USP28: variants seen among roughly 807,000 people sequenced by gnomAD.
The protein encoded by USP28 is ubiquitin specific peptidase 28, also known as ubiquitin carboxyl-terminal hydrolase 28.
A neutral mutation model predicts 145.0 loss-of-function variants in USP28; 113 were observed. That is an observed-to-expected ratio of 0.78 (90% confidence interval 0.67 to 0.91). USP28 has a LOEUF of 0.91. USP28 is among the 40% of genes least tolerant of loss of function. The probability of loss-of-function intolerance (pLI) is 0.00; values close to 1 mark genes in which losing one functional copy is unlikely to be tolerated. For synonymous variants in USP28, 447 were observed against 450.9 expected (o/e 0.99, Z 0.11); for missense variants, 1,201 against 1,289.6 (o/e 0.93, Z 1.05).
exon 22 of USP28, chr11:113,803,875 C>T: frequency 6.2e-7 from 1 of 1,612,982 alleles, no homozygotes; most frequent in Middle Eastern, 1.7e-4. Context: ...CTTCATGCCA[C>T]TTCTGAAAAA....
intron 1 of USP28, among the ~76,000 whole-genome samples, chr11:113,872,453 C>G (rs1361748833): frequency 6.6e-6 from 1 of 150,652 alleles, no homozygotes; most frequent in East Asian, 2.0e-4. Context: ...CGCCACTGCA[C>G]TTCAGCCTGG....
intron 3 of USP28, among the ~76,000 whole-genome samples, chr11:113,842,351 C>A (rs1295936356): frequency 6.6e-6 from 1 of 151,884 alleles, no homozygotes; most frequent in Non-Finnish European, 1.5e-5. Context: ...TTTGGGAGGC[C>A]GAGGCGGGCG....
At chr11:113,852,464 T>C in intron 3 of USP28, 37 bp downstream of exon 3, 1 of 1,610,438 alleles carries the variant, frequency 6.2e-7, no homozygotes, top group Non-Finnish European at 8.5e-7. Flanking sequence ...TTTCTGCTAG[T>C]TCAGCAAAGG....
chr11:113,875,532 C>A (rs1949302833), exon 1 of USP28: 3 of 1,145,324 alleles, frequency 2.6e-6, no homozygotes, highest in East Asian at 4.5e-5. Context: ...GGTCACCGGT[C>A]TCCCGCCGCA....
At chr11:113,853,878 CAA>C (rs57739058) in intron 2 of USP28, among the ~76,000 whole-genome samples, 1 of 123,224 alleles carries the variant, frequency 8.1e-6, no homozygotes, top group Non-Finnish European at 1.7e-5. Flanking sequence ...GACTCCATCT[CAA>C]AAAAAAAAAA....
At chr11:113,859,593 C>T (rs1015730119) in intron 1 of USP28, 5 of 151,574 alleles carry the variant, frequency 3.3e-5, no homozygotes, top group Non-Finnish European at 5.9e-5. Context: ...TCCAAATCCT[C>T]GTACTATATA....
At chr11:113,800,088 C>T in intron 24 of USP28, among the ~76,000 whole-genome samples, 1 of 151,896 alleles carries the variant, frequency 6.6e-6, no homozygotes, top group Non-Finnish European at 1.5e-5. Flanking sequence ...TCACTGCAAG[C>T]TCCGCCTCCC....
At chr11:113,831,668 ATTAACAAAG>A (rs1039921497) in intron 8 of USP28, among the ~76,000 whole-genome samples, 3 of 152,090 alleles carry the variant, frequency 2.0e-5, no homozygotes, top group African/African-American at 7.2e-5. Flanking sequence ...TGCTGAGTTT[ATTAACAAAG>A]TTAACAGTTA....
At chr11:113,868,491 G>A (rs76405689) in intron 1 of USP28, among the ~76,000 whole-genome samples, 1,893 of 152,198 alleles carry the variant, frequency 0.012, 44 homozygotes, top group African/African-American at 0.043. Context: ...TACTAAAGTC[G>A]GAGAAATGTT....
chr11:113,814,418 AG>A (rs1393869985), intron 14 of USP28, among the ~76,000 whole-genome samples: 2 of 152,204 alleles, frequency 1.3e-5, no homozygotes, highest in Admixed American at 1.3e-4. Flanking sequence ...ATGAGGTCAA[AG>A]GGCTTTTTAA....
At chr11:113,856,906 C>A (rs1228684953) in intron 1 of USP28, among the ~76,000 whole-genome samples, 1 of 152,088 alleles carries the variant, frequency 6.6e-6, no homozygotes, top group Non-Finnish European at 1.5e-5. Flanking sequence ...TTGATCTTTG[C>A]ACCCTAACAA....
chr11:113,869,531 C>T (rs1464349625), intron 1 of USP28, among the ~76,000 whole-genome samples: 1 of 152,102 alleles, frequency 6.6e-6, no homozygotes, highest in Admixed American at 6.6e-5. Flanking sequence ...GTCAAGGCTG[C>T]AGTGAGCCTT....
intron 4 of USP28, 29 bp downstream of exon 4, chr11:113,841,634 G>A (rs772832532): frequency 1.4e-6 from 2 of 1,476,220 alleles, no homozygotes; most frequent in South Asian, 2.4e-5. Flanking sequence ...CAAATGTGGG[G>A]GGCAAGAATT....
At chr11:113,838,969 T>C (rs140460646) in intron 5 of USP28, among the ~76,000 whole-genome samples, 62 of 152,304 alleles carry the variant, frequency 4.1e-4, no homozygotes, top group African/African-American at 5.3e-4. Context: ...AAGGGTTGCA[T>C]TGGGGCTATG....
intron 15 of USP28, chr11:113,813,655 T>G (rs1319605541): frequency 8.2e-6 from 4 of 485,922 alleles, no homozygotes; most frequent in African/African-American, 8.1e-5. Context: ...ATGAAAAAAT[T>G]CCATGTGGCA....
At position 113,831,835 on chromosome 11, in the gene USP28, G is replaced by GT. The variant is rs1487966979; in HGVS notation, c.833+84dup. 5 of 1,349,296 alleles carry GT rather than the reference G, an allele frequency of 3.7e-6. No homozygotes were observed. In the East Asian group the frequency reaches 1.2e-4, roughly 32 times the overall value. The allele number at this position is 1,349,296 out of a possible 1,614,324, so 83.6% of individuals were successfully genotyped here. Reference sequence around the variant, plus strand: ...TATGGTTAAAAACCAGCAATTTCTAGTTAAGGAGAGTAACTTTCCAGCATA... The same window carrying GT: ...TATGGTTAAAAACCAGCAATTTCTAGTTTAAGGAGAGTAACTTTCCAGCATA... On this transcript the variant is annotated intron_variant, in intron 8 of 24. Transcript: ENST00000003302.
chr11:113,852,775 C>T, intron 2 of USP28, 142 bp from the exon 3 acceptor site: 1 of 955,238 alleles, frequency 1.0e-6, no homozygotes, highest in Non-Finnish European at 1.5e-6. Flanking sequence ...CTATGGTGGA[C>T]AGTAGGTCTA....
chr11:113,854,408 T>C (rs185807858), intron 1 of USP28, 73 bp from the exon 2 acceptor site: 2 of 1,430,096 alleles, frequency 1.4e-6, no homozygotes. Flanking sequence ...AAAGAATAAC[T>C]AAAAGCATCT....
chr11:113,865,803 C>G (rs1948195479), intron 1 of USP28, among the ~76,000 whole-genome samples: 1 of 152,110 alleles, frequency 6.6e-6, no homozygotes, highest in Non-Finnish European at 1.5e-5. Context: ...GCTATGACAC[C>G]AAAAGCACAA....
Sources: gnomAD v4.1 joint callset for allele counts (sites outside exome capture counted in the v4.1 genomes callset) on GRCh38, gnomAD v4.1.1 for gene constraint, MANE v1.5 for transcripts, NCBI Gene and HGNC (gene_info 2026-07-23, HGNC 2026-07-21) for gene names.